The following KCNIP3 variants were observed in gnomAD, a reference collection of about 807,000 sequenced individuals.
The protein encoded by KCNIP3 is calsenilin.
KCNIP3 carries 28 observed loss-of-function variants against 35.0 expected under a neutral mutation model. That is an observed-to-expected ratio of 0.80 (90% CI 0.59 to 1.10). The LOEUF is 1.10. Among genes scored for constraint, KCNIP3 ranks in the 50% least tolerant of loss-of-function variants. The pLI is 0.00. For synonymous variants in KCNIP3, 134 were observed against 133.8 expected (o/e 1.00, Z -0.01); for missense variants, 295 against 338.4 (o/e 0.87, Z 1.01).
chr2:95,348,465 G>A (rs1679432494), intron 2 of KCNIP3, among the ~76,000 whole-genome samples: 1 of 152,176 alleles, frequency 6.6e-6, no homozygotes, highest in African/African-American at 2.4e-5. Context: ...GGCGTGGGGG[G>A]TGGCTGGTGC....
At chr2:95,373,307 A>G (rs1399162317) in intron 2 of KCNIP3, among the ~76,000 whole-genome samples, 1 of 152,240 alleles carries the variant, frequency 6.6e-6, no homozygotes, top group East Asian at 1.9e-4. Context: ...ATGTCACACC[A>G]AAAGAAATTA....
intron 2 of KCNIP3, among the ~76,000 whole-genome samples, chr2:95,367,908 C>T (rs1338076345): frequency 6.6e-6 from 1 of 152,086 alleles, no homozygotes; most frequent in East Asian, 1.9e-4. Flanking sequence ...ATTACAGGCG[C>T]CTGCCATCAC....
At chr2:95,308,667 G>T (rs1678238479) in intron 1 of KCNIP3, among the ~76,000 whole-genome samples, 1 of 152,190 alleles carries the variant, frequency 6.6e-6, no homozygotes, top group Admixed American at 6.5e-5. Context: ...GGACGGGCAT[G>T]GCCAGGGCTG....
chr2:95,313,499 T>C (rs1286008918), intron 2 of KCNIP3: 2 of 152,298 alleles, frequency 1.3e-5, no homozygotes, highest in African/African-American at 2.4e-5. Flanking sequence ...AGAAGCTCCT[T>C]GGACCCTCTT....
intron 2 of KCNIP3, among the ~76,000 whole-genome samples, chr2:95,338,584 T>C (rs1679117428): frequency 6.6e-6 from 1 of 152,208 alleles, no homozygotes. Flanking sequence ...CATGGCCATC[T>C]AGCCATAAAG....
chr2:95,308,098 A>ATC (rs1558758138), intron 1 of KCNIP3, among the ~76,000 whole-genome samples: 1 of 151,858 alleles, frequency 6.6e-6, no homozygotes, highest in Non-Finnish European at 1.5e-5. Flanking sequence ...ACTTGTGTGC[A>ATC]TGTGTGTGCG....
At chr2:95,344,609 G>C (rs768536518) in intron 2 of KCNIP3, among the ~76,000 whole-genome samples, 14 of 152,244 alleles carry the variant, frequency 9.2e-5, no homozygotes, top group Non-Finnish European at 1.9e-4. Context: ...CAGGGAAACA[G>C]AGGCAGAGAA....
chr2:95,310,737 C>A (rs1250189178), intron 2 of KCNIP3: 1 of 584,856 alleles, frequency 1.7e-6, no homozygotes, highest in Non-Finnish European at 3.1e-6. Flanking sequence ...ACCCACAGAG[C>A]ATGGGTACAG....
At chr2:95,363,379 T>TC (rs1379535976) in intron 2 of KCNIP3, among the ~76,000 whole-genome samples, 1 of 152,188 alleles carries the variant, frequency 6.6e-6, no homozygotes, top group African/African-American at 2.4e-5. Flanking sequence ...TGACCTTTTT[T>TC]CCCATAGCTT....
chr2:95,343,125 G>A (rs1679258210), intron 2 of KCNIP3, among the ~76,000 whole-genome samples: 1 of 152,122 alleles, frequency 6.6e-6, no homozygotes, highest in Admixed American at 6.5e-5. Context: ...TGGTGGCAGT[G>A]GGGCAGAGAT....
chr2:95,372,779 G>A (rs1230485970), intron 2 of KCNIP3, among the ~76,000 whole-genome samples: 1 of 152,216 alleles, frequency 6.6e-6, no homozygotes, highest in Non-Finnish European at 1.5e-5. Context: ...CTGAGGGTAA[G>A]GATGGGAGAG....
intron 2 of KCNIP3, among the ~76,000 whole-genome samples, chr2:95,357,028 C>T: frequency 6.6e-6 from 1 of 152,202 alleles, no homozygotes; most frequent in East Asian, 1.9e-4. Context: ...TGGGTGGCCT[C>T]TGCAGGAGAC....
At chr2:95,312,603 G>C (rs1449922030) in intron 2 of KCNIP3, 1 of 152,308 alleles carries the variant, frequency 6.6e-6, no homozygotes, top group Non-Finnish European at 1.5e-5. Context: ...GAGCAGATGT[G>C]AACGACACAT....
At chr2:95,315,384 C>A (rs1678427393) in intron 2 of KCNIP3, among the ~76,000 whole-genome samples, 1 of 152,172 alleles carries the variant, frequency 6.6e-6, no homozygotes, top group Non-Finnish European at 1.5e-5. Context: ...GTGAGGTGCA[C>A]AGAGGGGACC....
intron 5 of KCNIP3, among the ~76,000 whole-genome samples, chr2:95,380,357 C>G (rs1167853692): frequency 6.6e-6 from 1 of 152,192 alleles, no homozygotes; most frequent in East Asian, 1.9e-4. Flanking sequence ...CTGTCTCTGT[C>G]TCTCTCATGG....
rs114005190 is a variant in KCNIP3, at chr2:95,317,327, G to A, written c.181+6807G>A. Among the ~76,000 whole-genome samples, 997 of 152,292 alleles carry A rather than the reference G, an allele frequency of 6.5e-3. 16 individuals are homozygous for A. Among genetic ancestry groups the A allele is most frequent in the African/African-American group, 0.022 (933 of 41,572 alleles). ...TTGGTGCTGGGAGCTCAGGAGTGAC[G>A]CCCACCCCATCCCCACGCCTCCCAG... On this transcript the variant is annotated intron_variant, in intron 2 of 8. Transcript: ENST00000295225.
At position 95,324,283 on chromosome 2, in the gene KCNIP3, A is replaced by G. The variant is rs770876533; in HGVS notation, c.181+13763A>G. 2.3e-3 allele frequency among the ~76,000 whole-genome samples: 347 copies of G among 150,250 alleles called. 1 individual carries two copies. The highest frequency in any genetic ancestry group is 0.011 in the Middle Eastern group (3 of 284). ...TCCCAGCACTTTGGGAGGCCGAGGCAGGCGGATCACGAGGTCAGGAGATCG... is the reference window on the plus strand; with the variant it reads ...TCCCAGCACTTTGGGAGGCCGAGGCGGGCGGATCACGAGGTCAGGAGATCG... On this transcript the variant is annotated intron_variant, in intron 2 of 8. Transcript: ENST00000295225.
At chr2:95,299,401 G>A (rs940393905) in intron 1 of KCNIP3, among the ~76,000 whole-genome samples, 3 of 152,196 alleles carry the variant, frequency 2.0e-5, no homozygotes, top group African/African-American at 4.8e-5. Context: ...GTTGGGAGGT[G>A]TTCTGACTCC....
intron 1 of KCNIP3, among the ~76,000 whole-genome samples, chr2:95,300,689 C>T (rs1678003630): frequency 2.0e-5 from 3 of 152,236 alleles, no homozygotes; most frequent in African/African-American, 7.2e-5. Context: ...GAGATCAGCC[C>T]ATGCCTTAGA....
Sources: gnomAD v4.1 joint callset for allele counts (sites outside exome capture counted in the v4.1 genomes callset) on GRCh38, gnomAD v4.1.1 for gene constraint, MANE v1.5 for transcripts, NCBI Gene and HGNC (gene_info 2026-07-23, HGNC 2026-07-21) for gene names.